Variants in MBNL2 observed in about 807,000 individuals in gnomAD.
The protein encoded by MBNL2 is muscleblind like splicing regulator 2, also known as muscleblind-like protein 2.
Under a neutral mutation model 41.9 loss-of-function variants are expected in MBNL2, and 17 were observed. The ratio of observed to expected loss-of-function variants is 0.41; its 90% CI spans 0.28 to 0.61. The LOEUF is 0.61. Among genes scored for constraint, MBNL2 ranks in the 20% least tolerant of loss-of-function variants. The pLI is 0.35. For synonymous variants in MBNL2, 195 were observed against 182.9 expected, an observed-to-expected ratio of 1.07 and a Z score of -0.53; for missense variants, 336 against 505.6, an observed-to-expected ratio of 0.66 and a Z score of 3.22.
chr13:97,187,779 C>T, the MBNL2 span, among the ~76,000 whole-genome samples: 1 of 151,542 alleles, frequency 6.6e-6, no homozygotes, highest in Non-Finnish European at 1.5e-5. Context: ...AGGTGGCGGG[C>T]GCCTGTAGTC....
chr13:97,147,772 T>C, the MBNL2 span, among the ~76,000 whole-genome samples: 2 of 152,182 alleles, frequency 1.3e-5, no homozygotes, highest in African/African-American at 4.8e-5. Context: ...AGGCTTGTTT[T>C]CATGAGGATA....
At chr13:97,316,750 C>T (rs754299639) in intron 2 of MBNL2, among the ~76,000 whole-genome samples, 5 of 152,206 alleles carry the variant, frequency 3.3e-5, no homozygotes, top group Non-Finnish European at 4.4e-5. Flanking sequence ...GGCCACCCAA[C>T]CCACCAGCAC....
At position 97,391,418 on chromosome 13, in the gene MBNL2, C is replaced by T. The variant is rs769118675; in HGVS notation, c.1145C>T (p.Ser382Phe). Reference protein sequence around the residue: ...HCYCTYYPVSSSIELPQTAC With the variant: ...HCYCTYYPVSFSIELPQTAC ...TACTGTACATACTATCCTGTTTCCT[C>T]CTCAATAGAATTGCCACAAACTGCA... Residue 382 changes from serine to phenylalanine, a missense_variant, in exon 9 of 9, where the codon TCC (serine) becomes TTC (phenylalanine). Coordinates refer to ENST00000679496, the MANE Select transcript of MBNL2 (RefSeq NM_001382683.1). 1.5e-5 allele frequency: 23 copies of T among 1,517,148 alleles called. No individual in the cohort carries two copies. In the Admixed American group the frequency reaches 3.8e-4, roughly 25 times the overall value. 94.0% of individuals were successfully genotyped at this position (1,517,148 alleles called of 1,614,324 possible).
Position 97,391,759 on chromosome 13 carries a change from G to C in MBNL2, c.*310G>C, listed in dbSNP as rs898704840. ...TAAACAATTAGCATTAGTTAAAAAA[G>C]AAACATATTCCAAGGGCAGGTTCGA... On this transcript the variant is annotated 3_prime_UTR_variant, in exon 9 of 9. Transcript: ENST00000679496. 3 of 238,468 alleles carry C rather than the reference G, an allele frequency of 1.3e-5. No individual in the cohort carries two copies. The highest frequency in any genetic ancestry group is 1.6e-5 in the Non-Finnish European group (2 of 125,416). 14.8% of individuals were successfully genotyped at this position (238,468 alleles called of 1,614,324 possible).
intron 1 of MBNL2, among the ~76,000 whole-genome samples, chr13:97,243,991 A>G (rs1161284246): frequency 6.6e-6 from 1 of 152,108 alleles, no homozygotes; most frequent in Non-Finnish European, 1.5e-5. Context: ...GGCAAGGGGG[A>G]AAAAAACACA....
At chr13:97,253,746 GTATTTATTAATACGTATTAATT>G (rs1202701053) in intron 1 of MBNL2, among the ~76,000 whole-genome samples, 1 of 150,414 alleles carries the variant, frequency 6.6e-6, no homozygotes, top group African/African-American at 2.5e-5. Flanking sequence ...CAGTAACATT[GTATTTATTAATACGTATTAATT>G]TATTAATACG....
chr13:97,169,048 C>A, the MBNL2 span, among the ~76,000 whole-genome samples: 4 of 152,288 alleles, frequency 2.6e-5, no homozygotes, highest in Admixed American at 2.6e-4. Context: ...CTACTCCCCC[C>A]TTTGTCGCAT....
chr13:97,213,952 G>A, the MBNL2 span, among the ~76,000 whole-genome samples: 1,260 of 152,216 alleles, frequency 8.3e-3, 16 homozygotes, highest in African/African-American at 0.029. Flanking sequence ...ACTCCCTGTT[G>A]GAGATGACAA....
At chr13:97,297,949 T>C (rs1690261629) in intron 2 of MBNL2, among the ~76,000 whole-genome samples, 1 of 114,274 alleles carries the variant, frequency 8.8e-6, no homozygotes, top group Non-Finnish European at 2.2e-5. Context: ...CAAGCACATA[T>C]AGAAAATAAA....
At chr13:97,387,209 CT>C (rs1286936469) in intron 8 of MBNL2, among the ~76,000 whole-genome samples, 1 of 152,000 alleles carries the variant, frequency 6.6e-6, no homozygotes, top group African/African-American at 2.4e-5. Context: ...AGAAATATAG[CT>C]TGTTGAATAT....
chr13:97,210,224 A>G, the MBNL2 span, among the ~76,000 whole-genome samples: 1 of 152,258 alleles, frequency 6.6e-6, no homozygotes, highest in Non-Finnish European at 1.5e-5. Flanking sequence ...AACTCAGAGT[A>G]TGTATCTATA....
intron 2 of MBNL2, among the ~76,000 whole-genome samples, chr13:97,325,625 GA>G (rs1281466803): frequency 6.6e-6 from 1 of 152,194 alleles, no homozygotes; most frequent in African/African-American, 2.4e-5. Context: ...AGCTACTTGG[GA>G]GGCTGACGTA....
At chr13:97,374,073 T>A (rs892848421) in intron 8 of MBNL2, among the ~76,000 whole-genome samples, 2 of 140,938 alleles carry the variant, frequency 1.4e-5, no homozygotes, top group Non-Finnish European at 3.0e-5. Context: ...ATTTTTTTTT[T>A]TTTTTTTTTT....
the MBNL2 span, among the ~76,000 whole-genome samples, chr13:97,180,042 A>G: frequency 6.6e-6 from 1 of 152,250 alleles, no homozygotes; most frequent in Non-Finnish European, 1.5e-5. Context: ...ATAAGGTATG[A>G]ATGAGAGAAA....
chr13:97,348,077 T>A (rs1292644373), intron 5 of MBNL2, among the ~76,000 whole-genome samples: 2 of 101,098 alleles, frequency 2.0e-5, no homozygotes, highest in Non-Finnish European at 3.5e-5. Flanking sequence ...CAGTGGGATT[T>A]TTTTTTTTTT....
In MBNL2 at chr13:97,285,478, G is replaced by T. The variant is rs144802982; in HGVS notation, c.174+9069G>T. On this transcript the variant is annotated intron_variant, in intron 2 of 8. Coordinates refer to ENST00000679496, the MANE Select transcript of MBNL2 (RefSeq NM_001382683.1). ...AGCTGCCACTCAGCAATAGACAGCT[G>T]TTGCCTGCCTTGTGATAATCTGAAT... Among the ~76,000 whole-genome samples the T allele has an allele frequency of 6.3e-3, 958 of 152,352 alleles. 8 individuals are homozygous for T. Among genetic ancestry groups the T allele is most frequent in the African/African-American group, 0.022 (912 of 41,586 alleles).
intron 1 of MBNL2, among the ~76,000 whole-genome samples, chr13:97,239,772 A>C (rs2043929881): frequency 6.6e-6 from 1 of 152,220 alleles, no homozygotes; most frequent in Admixed American, 6.5e-5. Context: ...TAGGATAGAT[A>C]CTTCTGGTTA....
Position 97,251,834 on chromosome 13 carries a change from C to CTTTT in MBNL2, c.-604-23774_-604-23771dup, listed in dbSNP as rs869034692. On this transcript the variant is annotated intron_variant, in intron 1 of 8. Transcript: ENST00000679496. ...TATTTATTATCTTGTATCCTCAATT[C>CTTTT]TTTTTTTTTTTTTTTTTTTTTTTTT... is the stretch of plus-strand genomic sequence containing the variant. Among the ~76,000 whole-genome samples the CTTTT allele has an allele frequency of 4.9e-3, 344 of 69,608 alleles. 37 individuals are homozygous for CTTTT. Among genetic ancestry groups the CTTTT allele is most frequent in the African/African-American group, 0.017 (299 of 17,948 alleles). The allele number at this position is 69,608 out of a possible 152,430, so 45.7% of individuals were successfully genotyped here. A position where few individuals can be genotyped will look rare whatever the true frequency, so the allele number is the denominator to read the frequency against.
chr13:97,374,219 C>T (rs1357061807), intron 8 of MBNL2, among the ~76,000 whole-genome samples: 1 of 151,922 alleles, frequency 6.6e-6, no homozygotes, highest in Non-Finnish European at 1.5e-5. Context: ...GCGATCTCGG[C>T]TCACTGCCAG....
Sources: gnomAD v4.1 joint callset for allele counts (sites outside exome capture counted in the v4.1 genomes callset) on GRCh38, gnomAD v4.1.1 for gene constraint, MANE v1.5 for transcripts, NCBI Gene and HGNC (gene_info 2026-07-23, HGNC 2026-07-21) for gene names.